Variants in ADAMTS19 observed in about 807,000 individuals in gnomAD.
The protein encoded by ADAMTS19 is A disintegrin and metalloproteinase with thrombospondin motifs 19.
A neutral mutation model predicts 153.3 loss-of-function variants in ADAMTS19; 93 were observed. The observed-to-expected ratio is 0.61, with a 90% CI of 0.51 to 0.72. The LOEUF (loss-of-function observed/expected upper bound fraction) is 0.72, where lower values mean the gene tolerates loss of function less well. Ranked by LOEUF, ADAMTS19 falls within the 30% of genes least tolerant of loss-of-function variation. The pLI, the probability that ADAMTS19 is intolerant of heterozygous loss-of-function variation, is 0.00. For synonymous variants in ADAMTS19, 600 were observed against 556.6 expected, an observed-to-expected ratio of 1.08 and a Z score of -1.10; for missense variants, 1,482 against 1,552.1, an observed-to-expected ratio of 0.95 and a Z score of 0.76.
intron 7 of ADAMTS19, among the ~76,000 whole-genome samples, chr5:129,573,489 G>A (rs891534457): frequency 6.6e-6 from 1 of 151,976 alleles, no homozygotes; most frequent in African/African-American, 2.4e-5. Context: ...GTGTGATCAA[G>A]GATCTTACTT....
At chr5:129,664,024 G>A (rs1753928510) in intron 15 of ADAMTS19, among the ~76,000 whole-genome samples, 1 of 151,934 alleles carries the variant, frequency 6.6e-6, no homozygotes, top group African/African-American at 2.4e-5. Context: ...TCCTTTATAA[G>A]TTGTTCTCTC....
At chr5:129,574,142 A>G (rs2126869946) in intron 7 of ADAMTS19, among the ~76,000 whole-genome samples, 1 of 152,210 alleles carries the variant, frequency 6.6e-6, no homozygotes, top group Admixed American at 6.5e-5. Context: ...GCCACAGTTT[A>G]TGTTTAATGG....
At chr5:129,618,125 T>G (rs1751613533) in intron 8 of ADAMTS19, among the ~76,000 whole-genome samples, 1 of 152,076 alleles carries the variant, frequency 6.6e-6, no homozygotes, top group South Asian at 2.1e-4. Flanking sequence ...GATGCAGAGA[T>G]TAAATCACTT....
chr5:129,604,829 A>G (rs905265348), intron 8 of ADAMTS19, among the ~76,000 whole-genome samples: 3 of 152,156 alleles, frequency 2.0e-5, no homozygotes, highest in African/African-American at 7.2e-5. Context: ...GACCACATAA[A>G]TGAGACTTTA....
intron 16 of ADAMTS19, among the ~76,000 whole-genome samples, chr5:129,671,617 A>G (rs950230366): frequency 9.2e-5 from 14 of 152,220 alleles, no homozygotes; most frequent in Non-Finnish European, 1.9e-4. Context: ...ATATTATTTT[A>G]TAGAGATAAT....
intron 21 of ADAMTS19, among the ~76,000 whole-genome samples, chr5:129,718,432 A>G (rs1052234948): frequency 2.6e-5 from 4 of 152,296 alleles, no homozygotes; most frequent in South Asian, 4.1e-4. Context: ...AATGGATTCA[A>G]TTCCAAATAT....
intron 8 of ADAMTS19, among the ~76,000 whole-genome samples, chr5:129,599,914 G>A (rs938263005): frequency 6.6e-6 from 1 of 152,078 alleles, no homozygotes; most frequent in Non-Finnish European, 1.5e-5. Flanking sequence ...ATTCCCCATA[G>A]CAGTAAGCAA....
chr5:129,658,168 C>T (rs1753628689), intron 14 of ADAMTS19, among the ~76,000 whole-genome samples: 1 of 152,006 alleles, frequency 6.6e-6, no homozygotes, highest in East Asian at 1.9e-4. Context: ...TGCCTATAGT[C>T]CCAGCTACTC....
In ADAMTS19 at chr5:129,718,028, T is replaced by A. The variant is rs945107704; in HGVS notation, c.3312+13637T>A. On this transcript the variant is annotated intron_variant, in intron 21 of 22. Transcript: ENST00000274487. ...TGACAGTAATAAAATAGAAATGTCT[T>A]GATATACTTTTTTCACTTTAGCAAA... 2.0e-5 allele frequency among the ~76,000 whole-genome samples: 3 copies of A among 152,194 alleles called. No individual in the cohort carries two copies. The East Asian group carries it at 5.8e-4, about 29-fold the overall frequency.
At chr5:129,662,011 C>T (rs1204922864) in intron 15 of ADAMTS19, among the ~76,000 whole-genome samples, 1 of 152,124 alleles carries the variant, frequency 6.6e-6, no homozygotes, top group Non-Finnish European at 1.5e-5. Flanking sequence ...ACTGACAATG[C>T]AGTGTTGGAA....
intron 11 of ADAMTS19, among the ~76,000 whole-genome samples, chr5:129,646,853 T>C (rs1753085705): frequency 6.6e-6 from 1 of 152,148 alleles, no homozygotes. Context: ...ATCTTACTTA[T>C]TATTCTCAAT....
intron 2 of ADAMTS19, among the ~76,000 whole-genome samples, chr5:129,477,403 G>A (rs187484863): frequency 6.6e-6 from 1 of 152,248 alleles, no homozygotes; most frequent in East Asian, 1.9e-4. Context: ...CACAATTTGT[G>A]TGAATTGATA....
intron 2 of ADAMTS19, among the ~76,000 whole-genome samples, chr5:129,493,590 C>T (rs1022932738): frequency 6.6e-6 from 1 of 152,102 alleles, no homozygotes; most frequent in African/African-American, 2.4e-5. Context: ...AAGATTTAAT[C>T]TCAACTATGA....
chr5:129,545,049 C>G (rs10072871), intron 6 of ADAMTS19, among the ~76,000 whole-genome samples: 24,940 of 151,800 alleles, frequency 0.16, 2,299 homozygotes, highest in East Asian at 0.31. Context: ...TCCAAAATGA[C>G]CAATGATAAC....
intron 7 of ADAMTS19, among the ~76,000 whole-genome samples, chr5:129,573,461 A>C (rs1753982904): frequency 6.6e-6 from 1 of 152,022 alleles, no homozygotes; most frequent in Non-Finnish European, 1.5e-5. Context: ...CTGTCTCCCC[A>C]GTTAGATTCT....
chr5:129,477,744 G>C (rs1014707572), intron 2 of ADAMTS19, among the ~76,000 whole-genome samples: 1 of 152,122 alleles, frequency 6.6e-6, no homozygotes, highest in Admixed American at 6.5e-5. Context: ...TCCAATTTTT[G>C]GGTCCTTGGT....
chr5:129,574,893 A>G (rs1447154480), intron 7 of ADAMTS19, among the ~76,000 whole-genome samples: 1 of 151,820 alleles, frequency 6.6e-6, no homozygotes, highest in East Asian at 1.9e-4. Context: ...TTACTATGGC[A>G]ATTTCCTCAA....
chr5:129,461,657 C>T lies in ADAMTS19; in HGVS notation c.647C>T (p.Pro216Leu). Reference protein sequence around the residue: ...GPGPTGAASAPQPPAPPDAGC... With the variant: ...GPGPTGAASALQPPAPPDAGC... ...GGCCCCACGGGGGCAGCATCCGCCC[C>T]GCAACCTCCCGCGCCACCAGACGCA... Residue 216 changes from proline (P) to leucine (L), a missense_variant, in exon 2 of 23, where the codon CCG (proline) becomes CTG (leucine). Physicochemically the swap from Pro to Leu is moderately conservative, Grantham distance 98. Coordinates refer to ENST00000274487, the MANE Select transcript of ADAMTS19 (RefSeq NM_133638.6). The surrounding 1 kb of genome is among the most constrained non-coding windows in gnomAD (Gnocchi z 4.6). The T allele has an allele frequency of 1.3e-6, 2 of 1,587,750 alleles. No homozygotes were observed. Among genetic ancestry groups the T allele is most frequent in the Admixed American group, 1.7e-5 (1 of 58,412 alleles).
At chr5:129,506,242 T>C (rs1261224003) in intron 2 of ADAMTS19, among the ~76,000 whole-genome samples, 1 of 152,150 alleles carries the variant, frequency 6.6e-6, no homozygotes, top group Non-Finnish European at 1.5e-5. Context: ...TTGTGTGCCA[T>C]AGGATAGTAT....
Sources: gnomAD v4.1 joint callset for allele counts (sites outside exome capture counted in the v4.1 genomes callset) on GRCh38, gnomAD v4.1.1 for gene constraint, Gnocchi (gnomAD v3.1) non-coding constraint, MANE v1.5 for transcripts, NCBI Gene and HGNC (gene_info 2026-07-23, HGNC 2026-07-21) for gene names.